The following PTPN11 variants were observed in gnomAD, a reference collection of about 807,000 sequenced individuals.
PTPN11 encodes protein tyrosine phosphatase non-receptor type 11, also known as tyrosine-protein phosphatase non-receptor type 11.
Under a neutral mutation model 78.8 loss-of-function variants are expected in PTPN11, and 6 were observed. The observed-to-expected ratio is 0.08, with a 90% CI of 0.04 to 0.15. PTPN11 has a LOEUF of 0.15. Among genes scored for constraint, PTPN11 ranks in the 10% least tolerant of loss-of-function variants. The pLI, the probability that PTPN11 is intolerant of heterozygous loss-of-function variation, is 1.00. For missense variants in PTPN11, 386 were observed against 744.8 expected (o/e 0.52, Z 5.61); for synonymous variants, 221 against 263.5 (o/e 0.84, Z 1.56).
chr12:112,481,077 G>A (rs953826397), intron 9 of PTPN11, among the ~76,000 whole-genome samples: 5 of 152,210 alleles, frequency 3.3e-5, no homozygotes, highest in South Asian at 4.1e-4. Flanking sequence ...GGAAAGTGAC[G>A]TGTAGAGGAG....
At chr12:112,440,378 A>G (rs963192752) in intron 1 of PTPN11, among the ~76,000 whole-genome samples, 4 of 151,214 alleles carry the variant, frequency 2.6e-5, no homozygotes, top group African/African-American at 9.7e-5. Flanking sequence ...GGTTCATGCC[A>G]TTTTCCTGCC....
At chr12:112,496,914 A>G (rs556499040) in intron 13 of PTPN11, among the ~76,000 whole-genome samples, 4 of 152,264 alleles carry the variant, frequency 2.6e-5, no homozygotes, top group Admixed American at 1.3e-4. Flanking sequence ...GGTCAGGCCT[A>G]TAATCCTAGC....
chr12:112,444,603 A>G (rs1205993038), intron 1 of PTPN11, among the ~76,000 whole-genome samples: 1 of 152,032 alleles, frequency 6.6e-6, no homozygotes, highest in African/African-American at 2.4e-5. Flanking sequence ...GCCTCCCAAA[A>G]TTCTGGGATT....
intron 3 of PTPN11, 30 bp from the exon 4 acceptor site, chr12:112,453,165 A>G: frequency 1.3e-6 from 2 of 1,583,012 alleles, no homozygotes; most frequent in Non-Finnish European, 1.7e-6. Flanking sequence ...TAGTAGAGCT[A>G]AATTCTTTTT....
At chr12:112,495,048 G>C (rs1429368556) in intron 13 of PTPN11, among the ~76,000 whole-genome samples, 1 of 152,050 alleles carries the variant, frequency 6.6e-6, no homozygotes, top group Non-Finnish European at 1.5e-5. Flanking sequence ...GAGTTTATTG[G>C]GATGTATCCC....
intron 6 of PTPN11, among the ~76,000 whole-genome samples, chr12:112,458,008 T>C (rs936544131): frequency 6.6e-6 from 1 of 152,252 alleles, no homozygotes; most frequent in Non-Finnish European, 1.5e-5. Flanking sequence ...GGAATGATTA[T>C]TCTATGCTTT....
At chr12:112,458,425 G>C (rs2038198151) in intron 6 of PTPN11, among the ~76,000 whole-genome samples, 1 of 152,172 alleles carries the variant, frequency 6.6e-6, no homozygotes, top group Admixed American at 6.5e-5. Flanking sequence ...ACTCAGGTTG[G>C]TCTTGAACTT....
chr12:112,456,611 C>A (rs1020385879), intron 6 of PTPN11, among the ~76,000 whole-genome samples: 2 of 151,772 alleles, frequency 1.3e-5, no homozygotes, highest in African/African-American at 4.8e-5. Flanking sequence ...AGGCACATGC[C>A]CCTATGCCTG....
chr12:112,494,733 A>G (rs757625940), intron 13 of PTPN11, among the ~76,000 whole-genome samples: 2 of 152,200 alleles, frequency 1.3e-5, no homozygotes, highest in African/African-American at 2.4e-5. Context: ...TAGCTGATCA[A>G]TTACTGCTCT....
At position 112,504,410 on chromosome 12, in the gene PTPN11, G is replaced by A. The variant is rs751415126; in HGVS notation, c.1713-285G>A. 7.2e-5 allele frequency among the ~76,000 whole-genome samples: 11 copies of A among 152,234 alleles called. No homozygotes were observed. Among genetic ancestry groups the A allele is most frequent in the Non-Finnish European group, 1.6e-4 (11 of 68,040 alleles). The stretch of plus-strand genomic sequence containing the variant: ...GGGGTTCACCATATTGGCCAGGCTG[G>A]TCTCAAACTCCTGACCTCGTGATCC... On this transcript the variant is annotated intron_variant, in intron 14 of 15. Transcript: ENST00000351677. This position sits in a 1 kb window ranked among gnomAD's most constrained non-coding sequence, Gnocchi z 4.7.
chr12:112,502,255 G>A lies in PTPN11; in HGVS notation c.1711G>A (p.Glu571Lys). ...TTGTACTCCAACGCCACCCTGTGCA[G>A]AGTAAGTAGTGCTGAAGGAAATTCT... The part of the protein sequence containing the change: ...PPCTPTPPCA[E>K]MREDSARVYE... The change falls in exon 14 of 16, where the codon GAA (glutamate) becomes AAA (lysine). Residue 571 changes from glutamate to lysine, a missense_variant and splice_region_variant. By Grantham distance (56) the Glu-to-Lys change is moderately conservative. Around this residue, in one of 3 missense-constraint regions of PTPN11, gnomAD observed 44 missense variants for 59.3 expected, o/e 0.74. Transcript: ENST00000351677. 1 of 1,610,680 alleles carries A rather than the reference G, an allele frequency of 6.2e-7. No homozygotes were observed. The highest frequency in any genetic ancestry group is 8.5e-7 in the Non-Finnish European group (1 of 1,176,914).
At chr12:112,430,709 G>A (rs936952814) in intron 1 of PTPN11, among the ~76,000 whole-genome samples, 1 of 151,600 alleles carries the variant, frequency 6.6e-6, no homozygotes, top group Non-Finnish European at 1.5e-5. Flanking sequence ...ATAGGCATGT[G>A]CCATCACCCA....
chr12:112,451,486 G>A (rs1364326913), intron 3 of PTPN11, among the ~76,000 whole-genome samples: 1 of 152,160 alleles, frequency 6.6e-6, no homozygotes, highest in East Asian at 1.9e-4. Context: ...AAAAAACATG[G>A]AGCAGTATTG....
intron 1 of PTPN11, among the ~76,000 whole-genome samples, chr12:112,419,859 A>T (rs547135291): frequency 6.6e-6 from 1 of 152,358 alleles, no homozygotes; most frequent in East Asian, 1.9e-4. Context: ...CAGAAGCAAC[A>T]TGCTAGTAAA....
chr12:112,468,313 A>G (rs372321240), intron 6 of PTPN11, among the ~76,000 whole-genome samples: 1 of 152,144 alleles, frequency 6.6e-6, no homozygotes, highest in Non-Finnish European at 1.5e-5. Context: ...ACAGGAATGT[A>G]TTCTCCTCGA....
intron 9 of PTPN11, among the ~76,000 whole-genome samples, chr12:112,480,812 A>C (rs2038584455): frequency 6.6e-6 from 1 of 152,168 alleles, no homozygotes; most frequent in Non-Finnish European, 1.5e-5. Flanking sequence ...CCTAAGATAC[A>C]AGGTAAATTT....
At chr12:112,442,461 T>C (rs2037908453) in intron 1 of PTPN11, among the ~76,000 whole-genome samples, 1 of 152,030 alleles carries the variant, frequency 6.6e-6, no homozygotes, top group Admixed American at 6.6e-5. Flanking sequence ...ATTTAATTAA[T>C]TTATTTTTTG....
At chr12:112,497,041 G>A (rs2038822628) in intron 13 of PTPN11, among the ~76,000 whole-genome samples, 1 of 151,976 alleles carries the variant, frequency 6.6e-6, no homozygotes, top group Admixed American at 6.5e-5. Flanking sequence ...GCGTAGTGGT[G>A]TGTGCCTGTA....
chr12:112,419,748 G>T (rs1254125602), intron 1 of PTPN11, among the ~76,000 whole-genome samples: 2 of 152,218 alleles, frequency 1.3e-5, no homozygotes, highest in African/African-American at 2.4e-5. Flanking sequence ...TTGGGAGATG[G>T]AAAGGAAGGG....
Sources: gnomAD v4.1 joint callset for allele counts (sites outside exome capture counted in the v4.1 genomes callset) on GRCh38, gnomAD v4.1.1 for gene constraint, gnomAD v4.1.1 regional missense constraint, Gnocchi (gnomAD v3.1) non-coding constraint, MANE v1.5 for transcripts, NCBI Gene and HGNC (gene_info 2026-07-23, HGNC 2026-07-21) for gene names.